Variants in CSMD1 observed in about 807,000 individuals in gnomAD.
The protein encoded by CSMD1 is CUB and Sushi multiple domains 1.
A neutral mutation model predicts 417.5 loss-of-function variants in CSMD1; 213 were observed. The ratio of observed to expected loss-of-function variants is 0.51; its 90% CI spans 0.46 to 0.57. The LOEUF is 0.57. CSMD1 is among the 20% of genes least tolerant of loss of function. The pLI is 0.00. For missense variants in CSMD1, 6,923 were observed against 4,529.7 expected (o/e 1.53, Z -15.17); for synonymous variants, 2,862 against 1,736.8 (o/e 1.65, Z -16.11).
chr8:3,799,514 T>C (rs4875788), intron 5 of CSMD1, among the ~76,000 whole-genome samples: 122,165 of 150,326 alleles, frequency 0.81, 49,790 homozygotes, highest in Middle Eastern at 0.86. Flanking sequence ...AAAGCATACA[T>C]GTAACATTAG....
chr8:2,980,109 TAA>T (rs1805276674), intron 54 of CSMD1, among the ~76,000 whole-genome samples: 1 of 152,246 alleles, frequency 6.6e-6, no homozygotes, highest in South Asian at 2.1e-4. Flanking sequence ...GCTGGAACAC[TAA>T]AGATATTTTT....
At chr8:4,788,426 G>C in intron 1 of CSMD1, 2 of 1,340,620 alleles carry the variant, frequency 1.5e-6, no homozygotes, top group Non-Finnish European at 1.1e-6. Flanking sequence ...CCAGGGTCTT[G>C]GCTGTTCAAC....
At chr8:4,413,463 C>G (rs990283974) in intron 3 of CSMD1, among the ~76,000 whole-genome samples, 4 of 152,286 alleles carry the variant, frequency 2.6e-5, no homozygotes, top group South Asian at 2.1e-4. Context: ...ACTTGATTGT[C>G]TTAAAGCTGT....
At chr8:3,377,702 G>T (rs1051000083) in intron 18 of CSMD1, among the ~76,000 whole-genome samples, 1 of 152,064 alleles carries the variant, frequency 6.6e-6, no homozygotes, top group East Asian at 1.9e-4. Context: ...CATATCCTGG[G>T]ATGCCTGTTC....
At chr8:4,400,497 C>T (rs569380692) in intron 3 of CSMD1, among the ~76,000 whole-genome samples, 2 of 152,286 alleles carry the variant, frequency 1.3e-5, no homozygotes, top group South Asian at 2.1e-4. Flanking sequence ...AGCAACATCA[C>T]GAGTTCTAAA....
chr8:4,920,598 G>C (rs1355014642), intron 1 of CSMD1, among the ~76,000 whole-genome samples: 2 of 152,058 alleles, frequency 1.3e-5, no homozygotes, highest in Non-Finnish European at 2.9e-5. Context: ...GAGGCAGGTG[G>C]ATCACCTGAA....
At chr8:4,016,654 T>A (rs963809810) in intron 4 of CSMD1, among the ~76,000 whole-genome samples, 2 of 152,212 alleles carry the variant, frequency 1.3e-5, no homozygotes, top group African/African-American at 2.4e-5. Context: ...TTCTACAGGT[T>A]TGTCTTACTC....
chr8:4,249,217 T>A (rs1802899814), intron 3 of CSMD1, among the ~76,000 whole-genome samples: 1 of 152,284 alleles, frequency 6.6e-6, no homozygotes. Flanking sequence ...TAGGAGGAAT[T>A]TATGGTAACA....
At chr8:4,449,190 C>T (rs1449517675) in intron 2 of CSMD1, among the ~76,000 whole-genome samples, 1 of 151,950 alleles carries the variant, frequency 6.6e-6, no homozygotes, top group African/African-American at 2.4e-5. Flanking sequence ...GTACATTCTT[C>T]TACAATACAG....
At chr8:4,544,246 G>A (rs140339289) in intron 2 of CSMD1, among the ~76,000 whole-genome samples, 8 of 152,016 alleles carry the variant, frequency 5.3e-5, no homozygotes, top group East Asian at 3.9e-4. Flanking sequence ...ATATAGTCTC[G>A]CATTTCATAT....
chr8:4,257,841 A>C (rs180736794), intron 3 of CSMD1, among the ~76,000 whole-genome samples: 1 of 152,234 alleles, frequency 6.6e-6, no homozygotes. Context: ...ACAGAAAGTA[A>C]GCAGTCATTA....
At chr8:4,429,017 A>G (rs907960976) in intron 2 of CSMD1, among the ~76,000 whole-genome samples, 5 of 152,002 alleles carry the variant, frequency 3.3e-5, no homozygotes, top group African/African-American at 1.2e-4. Context: ...CGTCGGCCTT[A>G]TCTTAGGTAT....
intron 3 of CSMD1, among the ~76,000 whole-genome samples, chr8:4,071,502 C>T (rs915868522): frequency 6.6e-6 from 1 of 152,126 alleles, no homozygotes; most frequent in Non-Finnish European, 1.5e-5. Context: ...AAGAGCATTG[C>T]TTCCTTTACT....
chr8:3,333,127 A>G (rs567390775), intron 23 of CSMD1, among the ~76,000 whole-genome samples: 1 of 152,232 alleles, frequency 6.6e-6, no homozygotes, highest in East Asian at 1.9e-4. Context: ...CAGTCTGACC[A>G]CTGTGACGAC....
rs558285250 is a variant in CSMD1 at position 3,466,658 on chromosome 8, A to G, written c.1561+2054T>C. On this transcript the variant is annotated intron_variant, in intron 12 of 69. Coordinates refer to ENST00000635120, the MANE Select transcript of CSMD1 (RefSeq NM_033225.6). ...TGGCCAGGCTGGTCTGGAACTCCTGACCTTAAGTGATCCGCCTGCCTTGGT... is the reference window on the plus strand; with the variant it reads ...TGGCCAGGCTGGTCTGGAACTCCTGGCCTTAAGTGATCCGCCTGCCTTGGT... Among the ~76,000 whole-genome samples, 16 of 147,672 alleles carry G rather than the reference A, an allele frequency of 1.1e-4. No individual in the cohort carries two copies. In the East Asian group the frequency reaches 2.8e-3, roughly 26 times the overall value.
At chr8:4,873,906 A>C (rs896429327) in intron 1 of CSMD1, among the ~76,000 whole-genome samples, 1 of 152,138 alleles carries the variant, frequency 6.6e-6, no homozygotes, top group Non-Finnish European at 1.5e-5. Context: ...AATTAGAAAG[A>C]AGAAAGGAAA....
chr8:3,163,538 C>T (rs1422001040), intron 37 of CSMD1, among the ~76,000 whole-genome samples: 1 of 152,074 alleles, frequency 6.6e-6, no homozygotes, highest in African/African-American at 2.4e-5. Flanking sequence ...CGGGGCTCTG[C>T]CCTGAAGCCA....
intron 3 of CSMD1, among the ~76,000 whole-genome samples, chr8:4,316,267 G>C (rs1470145645): frequency 6.6e-6 from 1 of 152,104 alleles, no homozygotes; most frequent in East Asian, 1.9e-4. Flanking sequence ...CCTCGAATCT[G>C]AATTTGTTGT....
intron 2 of CSMD1, among the ~76,000 whole-genome samples, chr8:4,443,496 T>G (rs991925573): frequency 1.3e-5 from 2 of 152,216 alleles, no homozygotes; most frequent in Non-Finnish European, 2.9e-5. Flanking sequence ...TTTCTTTATA[T>G]GCCACATATA....
Sources: allele counts gnomAD v4.1 joint callset (sites outside exome capture counted in the v4.1 genomes callset), GRCh38; gene constraint gnomAD v4.1.1; transcripts MANE v1.5; gene names NCBI Gene and HGNC (gene_info 2026-07-23, HGNC 2026-07-21).